ANXA1: variants seen among roughly 807,000 people sequenced by gnomAD.
ANXA1 encodes annexin A1, also known as annexin I (lipocortin I).
ANXA1 carries 39 observed loss-of-function variants against 47.9 expected under a neutral mutation model. The ratio of observed to expected loss-of-function variants is 0.81; its 90% CI spans 0.63 to 1.06. The LOEUF is 1.06. ANXA1 is among the 50% of genes least tolerant of loss of function. The pLI is 0.00. For synonymous variants in ANXA1, 146 were observed against 142.5 expected (o/e 1.02, Z -0.17); for missense variants, 446 against 422.7 (o/e 1.06, Z -0.48).
At chr9:73,152,639 T>C (rs998505095) in intron 1 of ANXA1, among the ~76,000 whole-genome samples, 1 of 152,162 alleles carries the variant, frequency 6.6e-6, no homozygotes, top group African/African-American at 2.4e-5. Context: ...AAATACTTTC[T>C]GGGTAGTGTC....
chr9:73,155,948 A>C (rs1027195823), intron 1 of ANXA1, among the ~76,000 whole-genome samples: 11 of 147,208 alleles, frequency 7.5e-5, no homozygotes, highest in Admixed American at 6.7e-4. Flanking sequence ...ACATTATTCA[A>C]GTATTTTTTA....
At chr9:73,167,468 A>G (rs371942094) in intron 10 of ANXA1, 29 bp from the exon 11 acceptor site, 2 of 1,600,918 alleles carry the variant, frequency 1.2e-6, no homozygotes, top group African/African-American at 2.7e-5. Flanking sequence ...CATGGTAAAT[A>G]CATCAACTAA....
intron 1 of ANXA1, among the ~76,000 whole-genome samples, chr9:73,156,456 C>T (rs756682833): frequency 6.6e-6 from 1 of 152,126 alleles, no homozygotes; most frequent in Non-Finnish European, 1.5e-5. Flanking sequence ...GTTACTTTAT[C>T]AGGAAGCAAT....
At chr9:73,160,959 A>G (rs1409091140) in intron 6 of ANXA1, 66 bp downstream of exon 6, 1 of 1,110,394 alleles carries the variant, frequency 9.0e-7, no homozygotes, top group Non-Finnish European at 1.3e-6. Flanking sequence ...ACTTTCTTAA[A>G]ATTGACTGTC....
chr9:73,160,900 T>C lies in ANXA1; in HGVS notation c.475+7T>C, dbSNP rs761358286. The C allele has an allele frequency of 1.8e-5, 28 of 1,585,292 alleles. No individual in the cohort carries two copies. Among genetic ancestry groups the C allele is most frequent in the Non-Finnish European group, 2.3e-5 (27 of 1,155,064 alleles). On this transcript the variant is annotated splice_region_variant and intron_variant, in intron 6 of 12. Transcript: ENST00000257497. ...AACAGGGTCTACAGAGAGGGTAAGT[T>C]GTAATGTCCAACAGTCCAAACGCCT...
At chr9:73,157,004 G>A (rs1378040955) in intron 1 of ANXA1, among the ~76,000 whole-genome samples, 2 of 152,030 alleles carry the variant, frequency 1.3e-5, no homozygotes, top group Non-Finnish European at 2.9e-5. Context: ...TAAAAATATT[G>A]CCAAGTCATG....
chr9:73,156,641 T>C lies in ANXA1; in HGVS notation c.-14-1881T>C, dbSNP rs17058551. Among the ~76,000 whole-genome samples, 24 of 152,318 alleles carry C rather than the reference T, an allele frequency of 1.6e-4. No homozygotes were observed. The East Asian group carries it at 4.6e-3, about 29-fold the overall frequency. On this transcript the variant is annotated intron_variant, in intron 1 of 12. Coordinates refer to ENST00000257497, the MANE Select transcript of ANXA1 (RefSeq NM_000700.3). ...TGCATTCAGTGTTATTACTTGCAACTCCAGTTACTTTTTAGCAGGTGAAAA... is the reference window on the plus strand; with the variant it reads ...TGCATTCAGTGTTATTACTTGCAACCCCAGTTACTTTTTAGCAGGTGAAAA...
intron 6 of ANXA1, 137 bp from the exon 7 acceptor site, chr9:73,162,645 G>C (rs113494040): frequency 3.9e-6 from 2 of 513,344 alleles, no homozygotes; most frequent in African/African-American, 1.9e-5. Flanking sequence ...ATTTAAAAAT[G>C]ATAATATTTT....
chr9:73,164,965 A>G (rs1186751417), intron 8 of ANXA1, 151 bp from the exon 9 acceptor site: 1 of 576,954 alleles, frequency 1.7e-6, no homozygotes, highest in Non-Finnish European at 3.0e-6. Context: ...TAAGGTCCCT[A>G]TCTTTAAAGA....
intron 1 of ANXA1, among the ~76,000 whole-genome samples, chr9:73,154,730 T>A (rs566240737): frequency 6.6e-6 from 1 of 152,174 alleles, no homozygotes; most frequent in African/African-American, 2.4e-5. Context: ...TGAGCCACCA[T>A]GCACAGCCAA....
intron 1 of ANXA1, chr9:73,154,211 A>C: frequency 1.1e-6 from 1 of 890,720 alleles, no homozygotes; most frequent in Non-Finnish European, 1.6e-6. Flanking sequence ...AGGTGTGGGA[A>C]GGACTTGTGA....
intron 7 of ANXA1, 79 bp from the exon 8 acceptor site, chr9:73,163,397 A>T: frequency 2.2e-6 from 3 of 1,368,742 alleles, no homozygotes; most frequent in Non-Finnish European, 1.0e-6. Flanking sequence ...AATATTATTT[A>T]TCTGAGTTTA....
chr9:73,159,332 T>C lies in ANXA1; in HGVS notation c.179T>C (p.Val60Ala), dbSNP rs759650458. 6.2e-7 allele frequency: 1 copy of C among 1,613,018 alleles called. No individual in the cohort carries two copies. The highest frequency in any genetic ancestry group is 8.5e-7 in the Non-Finnish European group (1 of 1,179,252). Residue 60 changes from valine (V) to alanine (A), a missense_variant, in exon 4 of 13, where the codon GTG (valine) becomes GCG (alanine). By Grantham distance (64) the Val-to-Ala change is moderately conservative. Transcript: ENST00000257497. ...ALHKAIMVKG[V>A]DEATIIDILT... ...GCTGTTGGCCCTTTATTTCCAGGTG[T>C]GGATGAAGCAACCATCATTGACATT...
Position 73,162,784 on chromosome 9 carries a change from C to G in ANXA1, c.478C>G (p.Leu160Val). The change falls in exon 7 of 13, where the codon CTG becomes GTG. Residue 160 changes from leucine (L) to valine (V), a missense_variant and splice_region_variant. Leu to Val is a conservative substitution (Grantham distance 32). Transcript: ENST00000257497. ...AATCTATTTTTCTTTTTTCTCAGAA[C>G]TGAAGAGAGATCTGGCCAAAGACAT... ...RDINRVYREE[L>V]KRDLAKDITS... The G allele has an allele frequency of 6.2e-7, 1 of 1,610,858 alleles. No homozygotes were observed. Among genetic ancestry groups the G allele is most frequent in the Non-Finnish European group, 8.5e-7 (1 of 1,178,114 alleles).
chr9:73,154,577 T>C (rs1824019436), intron 1 of ANXA1, among the ~76,000 whole-genome samples: 1 of 152,288 alleles, frequency 6.6e-6, no homozygotes, highest in African/African-American at 2.4e-5. Context: ...TAGATGGGAC[T>C]ACAGGTGCAC....
At chr9:73,156,083 T>C (rs187297710) in intron 1 of ANXA1, among the ~76,000 whole-genome samples, 2 of 146,032 alleles carry the variant, frequency 1.4e-5, no homozygotes, top group African/African-American at 2.5e-5. Flanking sequence ...GAAGTTTTTA[T>C]TTGCTAATTG....
intron 7 of ANXA1, among the ~76,000 whole-genome samples, chr9:73,163,231 A>G (rs566953492): frequency 2.6e-5 from 4 of 152,270 alleles, no homozygotes; most frequent in East Asian, 1.9e-4. Context: ...GATCAGCCCC[A>G]GGACCCAAAT....
At chr9:73,163,573 C>T (rs765343042) in intron 8 of ANXA1, 41 bp downstream of exon 8, 5 of 1,603,382 alleles carry the variant, frequency 3.1e-6, no homozygotes, top group South Asian at 1.1e-5. Context: ...GTTCATCTTC[C>T]TACCTTAAGT....
In ANXA1 at chr9:73,160,254, T is replaced by C. The variant is rs1482273070; in HGVS notation, c.271-9T>C. ...TTGGAAGTCCTGATTCTAATCTTTT[T>C]TTTTGTAGCCCCTGGATGAAACACT... On this transcript the variant is annotated splice_polypyrimidine_tract_variant and intron_variant, in intron 4 of 12. Coordinates refer to ENST00000257497, the MANE Select transcript of ANXA1 (RefSeq NM_000700.3). 6.5e-7 allele frequency: 1 copy of C among 1,542,056 alleles called. No individual in the cohort carries two copies.
Sources: gnomAD v4.1 joint callset for allele counts (sites outside exome capture counted in the v4.1 genomes callset) on GRCh38, gnomAD v4.1.1 for gene constraint, MANE v1.5 for transcripts, NCBI Gene and HGNC (gene_info 2026-07-23, HGNC 2026-07-21) for gene names.